Variants in ECHDC3 observed in about 807,000 individuals in gnomAD.
ECHDC3 encodes the protein enoyl-CoA hydratase domain-containing protein 3, mitochondrial.
Under a neutral mutation model 17.9 loss-of-function variants are expected in ECHDC3, and 20 were observed. The observed-to-expected ratio is 1.12, with a 90% CI of 0.79 to 1.63. ECHDC3 has a LOEUF of 1.63. ECHDC3 is among the 40% of genes most tolerant of loss of function. The pLI is 0.00. For synonymous variants in ECHDC3, 177 were observed against 149.7 expected (o/e 1.18, Z -1.33); for missense variants, 407 against 357.7 (o/e 1.14, Z -1.11).
intron 2 of ECHDC3, among the ~76,000 whole-genome samples, chr10:11,748,141 A>G (rs1242782875): frequency 6.6e-6 from 1 of 152,192 alleles, no homozygotes; most frequent in Non-Finnish European, 1.5e-5. Flanking sequence ...ACTGTTTTAT[A>G]TGGTGAAGAG....
chr10:11,757,953 C>T (rs992455295), intron 4 of ECHDC3, among the ~76,000 whole-genome samples: 1 of 152,128 alleles, frequency 6.6e-6, no homozygotes, highest in Admixed American at 6.5e-5. Context: ...CACGGACATC[C>T]ATGCACAGGC....
chr10:11,749,312 A>G (rs975702640), intron 2 of ECHDC3, among the ~76,000 whole-genome samples, 183 bp from the exon 3 acceptor site: 11 of 152,236 alleles, frequency 7.2e-5, no homozygotes, highest in Non-Finnish European at 1.6e-4. Context: ...TGCATTTTTC[A>G]TCACAAAATT....
chr10:11,752,963 A>T (rs1832843068), intron 3 of ECHDC3, among the ~76,000 whole-genome samples: 1 of 152,178 alleles, frequency 6.6e-6, no homozygotes, highest in South Asian at 2.1e-4. Context: ...TATTTTGTAT[A>T]TTTATATTAT....
In ECHDC3 at chr10:11,763,311, G is replaced by A; in HGVS notation, c.679G>A (p.Ala227Thr). The change falls in exon 5 of 5, where the codon GCG becomes ACG. Residue 227 changes from alanine to threonine, a missense_variant. Physicochemically the swap from Ala to Thr is moderately conservative, Grantham distance 58. Coordinates refer to ENST00000379215, the MANE Select transcript of ECHDC3 (RefSeq NM_024693.5). This position sits in a 1 kb window ranked among gnomAD's most constrained non-coding sequence, Gnocchi z 4.9. ...GCTGCTTAGCAAGGTGGTGCCAGAG[G>A]CGGAGCTGCAGGAGGAGACCATGCG... Reference protein sequence around the residue: ...HGLLSKVVPEAELQEETMRIA... With the variant: ...HGLLSKVVPETELQEETMRIA... The A allele has an allele frequency of 1.3e-6, 1 of 780,276 alleles. No homozygotes were observed. The highest frequency in any genetic ancestry group is 2.4e-6 in the Non-Finnish European group (1 of 418,132). The allele number at this position is 780,276 out of a possible 1,614,324, so 48.3% of individuals were successfully genotyped here. A position where few individuals can be genotyped will look rare whatever the true frequency, so the allele number is the denominator to read the frequency against.
intron 4 of ECHDC3, among the ~76,000 whole-genome samples, chr10:11,757,136 G>C (rs926943407): frequency 6.6e-6 from 1 of 152,180 alleles, no homozygotes; most frequent in Non-Finnish European, 1.5e-5. Context: ...AACTTACAAG[G>C]CCTTTGTCTA....
At chr10:11,756,216 A>G (rs1832885462) in intron 4 of ECHDC3, among the ~76,000 whole-genome samples, 4 of 152,178 alleles carry the variant, frequency 2.6e-5, no homozygotes, top group African/African-American at 2.4e-5. Flanking sequence ...TTTGTTAACT[A>G]CAGTGAAGTC....
Position 11,763,907 on chromosome 10 carries a change from G to A in ECHDC3, c.*363G>A, listed in dbSNP as rs1301318837. 15 of 1,027,672 alleles carry A rather than the reference G, an allele frequency of 1.5e-5. No homozygotes were observed. In the Admixed American group the frequency reaches 1.6e-4, roughly 11 times the overall value. The allele number at this position is 1,027,672 out of a possible 1,614,324, so 63.7% of individuals were successfully genotyped here. ...CGCCAGCCTGACCCTTATCTGAAAC[G>A]TCCTAAGCAGAGTTAATCCTGGCTG... is the stretch of plus-strand genomic sequence containing the variant. On this transcript the variant is annotated 3_prime_UTR_variant, in exon 5 of 5. Coordinates refer to ENST00000379215, the MANE Select transcript of ECHDC3 (RefSeq NM_024693.5). The surrounding 1 kb of genome is among the most constrained non-coding windows in gnomAD (Gnocchi z 4.9).
At chr10:11,743,758 CAGGCCA>C (rs1182311867) in intron 1 of ECHDC3, among the ~76,000 whole-genome samples, 2 of 152,250 alleles carry the variant, frequency 1.3e-5, no homozygotes, top group East Asian at 3.8e-4. Flanking sequence ...GAGCAGGGCC[CAGGCCA>C]GGGTCTTTCT....
intron 1 of ECHDC3, among the ~76,000 whole-genome samples, chr10:11,746,081 A>T (rs1187528890): frequency 6.6e-6 from 1 of 152,168 alleles, no homozygotes. Flanking sequence ...TAATCCCAGC[A>T]CTTTGGGAGG....
Position 11,763,706 on chromosome 10 carries a change from G to A in ECHDC3, c.*162G>A. 1.4e-6 allele frequency: 2 copies of A among 1,421,338 alleles called. No homozygotes were observed. The highest frequency in any genetic ancestry group is 1.8e-6 in the Non-Finnish European group (2 of 1,091,474). 88.0% of individuals were successfully genotyped at this position (1,421,338 alleles called of 1,614,324 possible). A position where few individuals can be genotyped will look rare whatever the true frequency, so the allele number is the denominator to read the frequency against. ...CTACATTAAAAGCCACAATTTCATG[G>A]GGAAAGGACAAAATGGAGAGTGACT... On this transcript the variant is annotated 3_prime_UTR_variant, in exon 5 of 5. Transcript: ENST00000379215. The surrounding 1 kb of genome is among the most constrained non-coding windows in gnomAD (Gnocchi z 4.9).
chr10:11,757,990 C>T (rs909642931), intron 4 of ECHDC3, among the ~76,000 whole-genome samples: 3 of 152,100 alleles, frequency 2.0e-5, no homozygotes, highest in Admixed American at 2.0e-4. Context: ...GGGGTGGGTG[C>T]GTGTCCCTCA....
chr10:11,756,109 A>C lies in ECHDC3; in HGVS notation c.591+501A>C, dbSNP rs990343523. 3.9e-5 allele frequency among the ~76,000 whole-genome samples: 6 copies of C among 152,202 alleles called. No homozygotes were observed. The East Asian group carries it at 1.2e-3, about 29-fold the overall frequency. On this transcript the variant is annotated intron_variant, in intron 4 of 4. Coordinates refer to ENST00000379215, the MANE Select transcript of ECHDC3 (RefSeq NM_024693.5). ...CGGATTTAGAATAGGTGATTTCTGG[A>C]GTGTGTTGGGTTTACAACGGTTGCA...
intron 3 of ECHDC3, among the ~76,000 whole-genome samples, chr10:11,751,675 A>G (rs1050844136): frequency 6.6e-6 from 1 of 152,250 alleles, no homozygotes; most frequent in African/African-American, 2.4e-5. Context: ...GGAGTAGGGC[A>G]AATTAAGGAT....
intron 4 of ECHDC3, among the ~76,000 whole-genome samples, chr10:11,761,249 C>T (rs568045238): frequency 2.4e-4 from 37 of 152,274 alleles, no homozygotes; most frequent in African/African-American, 7.9e-4. Context: ...GGATATGTGG[C>T]GATACCTGGA....
intron 4 of ECHDC3, 23 bp downstream of exon 4, chr10:11,755,631 C>A: frequency 6.3e-7 from 1 of 1,586,276 alleles, no homozygotes; most frequent in Non-Finnish European, 8.6e-7. Flanking sequence ...CCCCCACCCA[C>A]CTCTGCCTCC....
At chr10:11,742,859 G>A (rs1564280989) in intron 1 of ECHDC3, 113 bp downstream of exon 1, 2 of 1,151,210 alleles carry the variant, frequency 1.7e-6, no homozygotes, top group South Asian at 3.4e-5. Context: ...CCCCTGGGGA[G>A]GGAACTCCCC....
At chr10:11,757,028 C>T (rs1018279160) in intron 4 of ECHDC3, among the ~76,000 whole-genome samples, 2 of 152,240 alleles carry the variant, frequency 1.3e-5, no homozygotes, top group Admixed American at 1.3e-4. Flanking sequence ...AGCCGCCGCA[C>T]CTGGCCCATT....
intron 1 of ECHDC3, among the ~76,000 whole-genome samples, chr10:11,745,578 A>C (rs1366415705): frequency 6.6e-6 from 1 of 152,224 alleles, no homozygotes; most frequent in East Asian, 1.9e-4. Context: ...TTCCAAAGAA[A>C]GTGGTTATTC....
rs535630651 is a variant in ECHDC3, at chr10:11,761,950, T to G, written c.592-1274T>G. On this transcript the variant is annotated intron_variant, in intron 4 of 4. Transcript: ENST00000379215. ...GAAATCAACAGAAGACTAAAAAAAA[T>G]GGCCAGGCATGGTGGCTCACACCTG... Among the ~76,000 whole-genome samples the G allele has an allele frequency of 4.6e-5, 7 of 151,934 alleles. 1 individual carries two copies. The East Asian group carries it at 1.2e-3, about 25-fold the overall frequency.
Sources: allele counts gnomAD v4.1 joint callset (sites outside exome capture counted in the v4.1 genomes callset), GRCh38; gene constraint gnomAD v4.1.1; non-coding constraint Gnocchi (gnomAD v3.1); transcripts MANE v1.5; gene names NCBI Gene and HGNC (gene_info 2026-07-23, HGNC 2026-07-21).